TBK1: variants seen among roughly 807,000 people sequenced by gnomAD.
TBK1 encodes the protein serine/threonine-protein kinase TBK1.
In TBK1, 37 loss-of-function variants were observed where a neutral mutation model predicts 99.9. The observed-to-expected ratio is 0.37, with a 90% CI of 0.28 to 0.49. The LOEUF is 0.49. Ranked by LOEUF, TBK1 falls within the 20% of genes least tolerant of loss-of-function variation. TBK1 has a pLI of 0.98. For synonymous variants in TBK1, 258 were observed against 279.8 expected (o/e 0.92, Z 0.78); for missense variants, 644 against 872.5 (o/e 0.74, Z 3.30).
At position 64,497,714 on chromosome 12, in the gene TBK1, A is replaced by G; in HGVS notation, c.2026A>G (p.Ile676Val). The change falls in exon 19 of 21, where the codon ATT becomes GTT. Residue 676 changes from isoleucine to valine, a missense_variant. Around this residue, in one of 3 missense-constraint regions of TBK1, gnomAD observed 465 missense variants for 588.0 expected, o/e 0.79. Coordinates refer to ENST00000331710, the MANE Select transcript of TBK1 (RefSeq NM_013254.4). ...TGGAATCAAACATACCATGACCCCA[A>G]TTTATCCAAGTTCTAACACATTAGT... ...SSGIKHTMTP[I>V]YPSSNTLVEM... 2 of 1,609,066 alleles carry G rather than the reference A, an allele frequency of 1.2e-6. No individual in the cohort carries two copies. Among genetic ancestry groups the G allele is most frequent in the Non-Finnish European group, 8.5e-7 (1 of 1,178,500 alleles).
intron 1 of TBK1, among the ~76,000 whole-genome samples, chr12:64,453,385 A>AAACC (rs1382403484): frequency 6.6e-6 from 1 of 152,230 alleles, no homozygotes; most frequent in African/African-American, 2.4e-5. Flanking sequence ...TTCGTTAGAT[A>AAACC]GTTGAGACGT....
chr12:64,476,405 G>A (rs988795980), intron 6 of TBK1, among the ~76,000 whole-genome samples: 4 of 151,940 alleles, frequency 2.6e-5, no homozygotes, highest in Admixed American at 1.3e-4. Flanking sequence ...TGATCCACCC[G>A]CCTCGGCCTC....
intron 6 of TBK1, among the ~76,000 whole-genome samples, chr12:64,477,918 G>A (rs1472667058): frequency 1.3e-5 from 2 of 152,114 alleles, no homozygotes; most frequent in African/African-American, 2.4e-5. Context: ...TTCTAGATGT[G>A]AAATTAATTA....
chr12:64,496,444 G>A, intron 16 of TBK1, 38 bp downstream of exon 16: 1 of 1,101,532 alleles, frequency 9.1e-7, no homozygotes, highest in Non-Finnish European at 1.3e-6. Context: ...TATTTTTGGT[G>A]CTATTTTGGT....
At chr12:64,460,107 G>T (rs2040530068) in intron 2 of TBK1, 82 bp from the exon 3 acceptor site, 2 of 898,118 alleles carry the variant, frequency 2.2e-6, no homozygotes, top group Non-Finnish European at 3.1e-6. Flanking sequence ...AAAATAAGTT[G>T]CAATAGCGAG....
rs747738866 is a variant in TBK1, at chr12:64,474,227, T to C, written c.541-3T>C. ...GATTTTTTTCTTTTTTTTTTAATCTTAGCACCCTGATATGTATGAGAGAGC... is the reference window on the plus strand; with the variant it reads ...GATTTTTTTCTTTTTTTTTTAATCTCAGCACCCTGATATGTATGAGAGAGC... On this transcript the variant is annotated splice_region_variant and splice_polypyrimidine_tract_variant and intron_variant, in intron 5 of 20. Coordinates refer to ENST00000331710, the MANE Select transcript of TBK1 (RefSeq NM_013254.4). The C allele has an allele frequency of 2.5e-6, 4 of 1,605,474 alleles. No homozygotes were observed. In the South Asian group the frequency reaches 4.5e-5, roughly 18 times the overall value.
rs1048014686 is a variant in TBK1, at chr12:64,477,766, G to A, written c.702-2246G>A. Among the ~76,000 whole-genome samples the A allele has an allele frequency of 2.0e-5, 3 of 152,236 alleles. No individual in the cohort carries two copies. In the East Asian group the frequency reaches 5.8e-4, roughly 29 times the overall value. On this transcript the variant is annotated intron_variant, in intron 6 of 20. Coordinates refer to ENST00000331710, the MANE Select transcript of TBK1 (RefSeq NM_013254.4). ...GAATTGCCCATTCAGAATGATGTTG[G>A]CTATTGGTTTGTCATAGATGGCTCT...
chr12:64,482,603 T>C lies in TBK1; in HGVS notation c.992+582T>C, dbSNP rs147591570. Among the ~76,000 whole-genome samples the C allele has an allele frequency of 3.9e-3, 588 of 152,334 alleles. 2 individuals are homozygous for C. Among genetic ancestry groups the C allele is most frequent in the African/African-American group, 0.014 (570 of 41,574 alleles). ...CAATGATGGACCATATATACAACAC[T>C]GGTTCCGTAAGATTATAATATCATA... On this transcript the variant is annotated intron_variant, in intron 8 of 20. Coordinates refer to ENST00000331710, the MANE Select transcript of TBK1 (RefSeq NM_013254.4).
chr12:64,495,247 AATGAACTGTTTT>A (rs2040913527), intron 13 of TBK1: 1 of 356,164 alleles, frequency 2.8e-6, no homozygotes, highest in African/African-American at 2.1e-5. Context: ...GTGTTTACTG[AATGAACTGTTTT>A]ATAAGATGTA....
chr12:64,501,092 C>T (rs547684699), intron 20 of TBK1, among the ~76,000 whole-genome samples: 1 of 152,104 alleles, frequency 6.6e-6, no homozygotes, highest in Non-Finnish European at 1.5e-5. Context: ...CCCACCCCAC[C>T]AGAAAGAAAT....
chr12:64,453,749 G>A (rs2040454835), intron 1 of TBK1, among the ~76,000 whole-genome samples: 1 of 152,154 alleles, frequency 6.6e-6, no homozygotes, highest in Admixed American at 6.5e-5. Context: ...TGGGACTAGT[G>A]TTTATGTTAT....
chr12:64,501,132 T>G (rs1160913181), intron 20 of TBK1, among the ~76,000 whole-genome samples, 198 bp from the exon 21 acceptor site: 1 of 152,158 alleles, frequency 6.6e-6, no homozygotes, highest in Non-Finnish European at 1.5e-5. Context: ...GTTTCTTAAT[T>G]ACATCATTAC....
At chr12:64,469,438 C>T (rs1208944512) in intron 5 of TBK1, among the ~76,000 whole-genome samples, 1 of 152,160 alleles carries the variant, frequency 6.6e-6, no homozygotes, top group African/African-American at 2.4e-5. Flanking sequence ...TCTTCCTGGG[C>T]CTCAACATGT....
chr12:64,481,735 T>C (rs918795970), intron 7 of TBK1, 107 bp from the exon 8 acceptor site: 3 of 764,120 alleles, frequency 3.9e-6, no homozygotes, highest in African/African-American at 1.8e-5. Flanking sequence ...TAATCTAATA[T>C]AGTAATAATG....
Position 64,501,382 on chromosome 12 carries a change from C to T in TBK1, c.*1C>T. 2 of 1,613,426 alleles carry T rather than the reference C, an allele frequency of 1.2e-6. No individual in the cohort carries two copies. The highest frequency in any genetic ancestry group is 1.7e-4 in the Middle Eastern group (1 of 6,060). ...CCTTCGCAACGTTGACTGTCTTTAG[C>T]TTTCTAATAGAAGTTTAAGAAAAGT... On this transcript the variant is annotated 3_prime_UTR_variant, in exon 21 of 21. Coordinates refer to ENST00000331710, the MANE Select transcript of TBK1 (RefSeq NM_013254.4).
chr12:64,478,569 G>A (rs192318557), intron 6 of TBK1, among the ~76,000 whole-genome samples: 1 of 152,280 alleles, frequency 6.6e-6, no homozygotes, highest in Admixed American at 6.5e-5. Context: ...CCTTTTGTTG[G>A]TTGGAGGAAG....
At chr12:64,486,746 A>G (rs1410088076) in intron 11 of TBK1, among the ~76,000 whole-genome samples, 1 of 152,144 alleles carries the variant, frequency 6.6e-6, no homozygotes, top group Non-Finnish European at 1.5e-5. Flanking sequence ...TAATTCATAT[A>G]CTATATAACT....
intron 6 of TBK1, among the ~76,000 whole-genome samples, chr12:64,476,462 GTCT>G (rs1206385630): frequency 1.3e-5 from 2 of 152,090 alleles, no homozygotes; most frequent in Non-Finnish European, 2.9e-5. Flanking sequence ...CCGGCGCATA[GTCT>G]TCTTTTGAGG....
chr12:64,495,178 A>G (rs1453624846), intron 13 of TBK1, among the ~76,000 whole-genome samples: 9 of 152,200 alleles, frequency 5.9e-5, no homozygotes, highest in African/African-American at 1.4e-4. Flanking sequence ...TGGAGAATTA[A>G]CCACTTTTTA....
Sources: allele counts gnomAD v4.1 joint callset (sites outside exome capture counted in the v4.1 genomes callset), GRCh38; gene constraint gnomAD v4.1.1; regional missense constraint gnomAD v4.1.1; transcripts MANE v1.5; gene names NCBI Gene and HGNC (gene_info 2026-07-23, HGNC 2026-07-21).